The following CTNND2 variants were observed in gnomAD, a reference collection of about 807,000 sequenced individuals.
The protein encoded by CTNND2 is catenin delta-2.
CTNND2 carries 22 observed loss-of-function variants against 144.4 expected under a neutral mutation model. That is an observed-to-expected ratio of 0.15 (90% CI 0.11 to 0.22). The LOEUF is 0.22. Ranked by LOEUF, CTNND2 falls within the 10% of genes least tolerant of loss-of-function variation. The pLI, the probability that CTNND2 is intolerant of heterozygous loss-of-function variation, is 1.00. For synonymous variants in CTNND2, 751 were observed against 695.6 expected, an observed-to-expected ratio of 1.08 and a Z score of -1.25; for missense variants, 1,353 against 1,618.8, an observed-to-expected ratio of 0.84 and a Z score of 2.82.
intron 3 of CTNND2, among the ~76,000 whole-genome samples, chr5:11,558,381 T>A (rs1334425881): frequency 2.5e-4 from 10 of 39,412 alleles, no homozygotes; most frequent in Non-Finnish European, 3.5e-4. Flanking sequence ...TGTGTGTGTG[T>A]GACACACAAG....
intron 9 of CTNND2, among the ~76,000 whole-genome samples, chr5:11,331,253 AT>A (rs1210163160): frequency 6.6e-6 from 1 of 152,040 alleles, no homozygotes; most frequent in Non-Finnish European, 1.5e-5. Context: ...GGGTATGCTT[AT>A]TTTTTATCTG....
intron 12 of CTNND2, among the ~76,000 whole-genome samples, chr5:11,144,384 G>A (rs1389227412): frequency 9.2e-5 from 14 of 152,234 alleles, no homozygotes; most frequent in Middle Eastern, 3.4e-3. Context: ...CGGGGAGCTC[G>A]GGAAGGTTTG....
chr5:11,200,099 T>G (rs536673393), intron 10 of CTNND2, among the ~76,000 whole-genome samples: 83 of 152,280 alleles, frequency 5.5e-4, no homozygotes, highest in African/African-American at 1.9e-3. Context: ...AGGGATATGC[T>G]CTAAACATTT....
chr5:11,139,866 G>C (rs528790670), intron 12 of CTNND2, among the ~76,000 whole-genome samples: 13 of 152,328 alleles, frequency 8.5e-5, no homozygotes, highest in Admixed American at 2.6e-4. Flanking sequence ...GGCTCCAGGG[G>C]AGAATGTTTC....
At chr5:11,283,128 T>C (rs1258214420) in intron 9 of CTNND2, among the ~76,000 whole-genome samples, 2 of 152,198 alleles carry the variant, frequency 1.3e-5, no homozygotes, top group Non-Finnish European at 2.9e-5. Flanking sequence ...CTTTACCATG[T>C]TTACTGAAGA....
chr5:11,132,115 T>G (rs1350383465), intron 12 of CTNND2, among the ~76,000 whole-genome samples: 1 of 152,212 alleles, frequency 6.6e-6, no homozygotes, highest in Non-Finnish European at 1.5e-5. Context: ...ACCCTTTGTT[T>G]TGTGCAATTC....
intron 3 of CTNND2, among the ~76,000 whole-genome samples, chr5:11,492,539 G>T (rs996040643): frequency 6.6e-6 from 1 of 150,480 alleles, no homozygotes; most frequent in African/African-American, 2.5e-5. Flanking sequence ...GTGTGTGTAT[G>T]TGTGTGTATC....
intron 11 of CTNND2, among the ~76,000 whole-genome samples, chr5:11,181,917 TGGA>T (rs1313156705): frequency 1.4e-5 from 2 of 143,806 alleles, no homozygotes; most frequent in Non-Finnish European, 3.0e-5. Context: ...GTGGTGTGTG[TGGA>T]GGCTATGTGT....
At chr5:11,883,507 G>T (rs1736287230) in intron 1 of CTNND2, among the ~76,000 whole-genome samples, 1 of 152,154 alleles carries the variant, frequency 6.6e-6, no homozygotes, top group African/African-American at 2.4e-5. Context: ...CAAAGGACAT[G>T]AACTCATCTT....
chr5:11,046,998 A>G, intron 16 of CTNND2, among the ~76,000 whole-genome samples: 1 of 152,172 alleles, frequency 6.6e-6, no homozygotes, highest in East Asian at 1.9e-4. Flanking sequence ...CATAATCACC[A>G]ACATTATTGG....
intron 1 of CTNND2, among the ~76,000 whole-genome samples, chr5:11,807,635 T>C (rs1792077943): frequency 6.6e-6 from 1 of 152,162 alleles, no homozygotes; most frequent in African/African-American, 2.4e-5. Flanking sequence ...AACCTTAGAA[T>C]TGTGAACTGT....
At chr5:11,067,045 G>C (rs1367917324) in intron 16 of CTNND2, among the ~76,000 whole-genome samples, 1 of 152,110 alleles carries the variant, frequency 6.6e-6, no homozygotes, top group East Asian at 1.9e-4. Context: ...GTCAGGGCCT[G>C]GGGAAGGGAC....
At chr5:11,097,609 A>G (rs990851855) in intron 15 of CTNND2, among the ~76,000 whole-genome samples, 6 of 152,224 alleles carry the variant, frequency 3.9e-5, no homozygotes, top group African/African-American at 1.4e-4. Flanking sequence ...AAGAAGGCAG[A>G]CATCCAAAGG....
At chr5:11,263,513 GT>G (rs1417892579) in intron 9 of CTNND2, among the ~76,000 whole-genome samples, 2 of 152,084 alleles carry the variant, frequency 1.3e-5, no homozygotes, top group African/African-American at 4.8e-5. Context: ...ATGTATGTGT[GT>G]GTGTGAGTGT....
At chr5:11,778,699 T>G (rs1790385254) in intron 1 of CTNND2, among the ~76,000 whole-genome samples, 1 of 152,158 alleles carries the variant, frequency 6.6e-6, no homozygotes, top group Non-Finnish European at 1.5e-5. Flanking sequence ...TAATGTGGTG[T>G]CCTGAATGGG....
intron 2 of CTNND2, among the ~76,000 whole-genome samples, chr5:11,656,319 G>A (rs1029692271): frequency 2.0e-5 from 3 of 151,082 alleles, no homozygotes; most frequent in African/African-American, 7.3e-5. Flanking sequence ...AAACACTCTA[G>A]AAAAAAAGAG....
chr5:11,423,420 T>C (rs1312651282), intron 3 of CTNND2, among the ~76,000 whole-genome samples: 8 of 152,232 alleles, frequency 5.3e-5, no homozygotes, highest in South Asian at 2.1e-4. Context: ...TGTTTGCCGA[T>C]AGAAGTGGCA....
chr5:11,419,057 TAG>T, intron 3 of CTNND2, among the ~76,000 whole-genome samples: 4 of 130,626 alleles, frequency 3.1e-5, no homozygotes, highest in African/African-American at 1.5e-4. Context: ...GACATCTATA[TAG>T]ATATATATAT....
intron 9 of CTNND2, among the ~76,000 whole-genome samples, chr5:11,329,643 G>A (rs566726798): frequency 6.6e-6 from 1 of 152,290 alleles, no homozygotes; most frequent in Admixed American, 6.5e-5. Flanking sequence ...GAAGTCCTGT[G>A]CAATAGCAGC....
Sources: allele counts gnomAD v4.1 joint callset (sites outside exome capture counted in the v4.1 genomes callset), GRCh38; gene constraint gnomAD v4.1.1; transcripts MANE v1.5; gene names NCBI Gene and HGNC (gene_info 2026-07-23, HGNC 2026-07-21).